The following CPLX2 variants were observed in gnomAD, a reference collection of about 807,000 sequenced individuals.
CPLX2 encodes complexin 2.
Under a neutral mutation model 16.3 loss-of-function variants are expected in CPLX2, and 5 were observed. That is an observed-to-expected ratio of 0.31 (90% CI 0.16 to 0.64). CPLX2 has a LOEUF of 0.64. Ranked by LOEUF, CPLX2 falls within the 30% of genes least tolerant of loss-of-function variation. CPLX2 has a pLI of 0.79. For missense variants in CPLX2, 144 were observed against 181.4 expected (o/e 0.79, Z 1.18); for synonymous variants, 89 against 73.2 (o/e 1.22, Z -1.10).
At chr5:175,858,910 GAGAA>G (rs1363222389) in intron 2 of CPLX2, among the ~76,000 whole-genome samples, 1 of 152,228 alleles carries the variant, frequency 6.6e-6, no homozygotes, top group African/African-American at 2.4e-5. Context: ...GGCAGAACCG[GAGAA>G]AGAAACAAGA....
At chr5:175,806,228 GC>G (rs1398442037) in intron 1 of CPLX2, among the ~76,000 whole-genome samples, 1 of 150,542 alleles carries the variant, frequency 6.6e-6, no homozygotes, top group African/African-American at 2.5e-5. Context: ...CTCCAGCCAA[GC>G]CACCTTCCTC....
At chr5:175,856,210 A>G (rs550245961) in intron 2 of CPLX2, among the ~76,000 whole-genome samples, 6 of 152,282 alleles carry the variant, frequency 3.9e-5, no homozygotes, top group African/African-American at 1.4e-4. Context: ...AATAGTACTT[A>G]CCTCATAAGG....
intron 2 of CPLX2, among the ~76,000 whole-genome samples, chr5:175,858,317 A>T (rs1759298939): frequency 6.6e-6 from 1 of 152,178 alleles, no homozygotes; most frequent in South Asian, 2.1e-4. Context: ...CCCTCTTCTG[A>T]GCACAAGCGA....
At chr5:175,878,057 G>T (rs1375577587) in intron 1 of CPLX2, 2 of 152,208 alleles carry the variant, frequency 1.3e-5, no homozygotes. Flanking sequence ...TAAAAATAAC[G>T]TATTTTCCAT....
chr5:175,838,156 C>T (rs566387190), intron 2 of CPLX2, among the ~76,000 whole-genome samples: 7 of 151,940 alleles, frequency 4.6e-5, no homozygotes, highest in East Asian at 3.9e-4. Context: ...ATTTTGCCAA[C>T]GTAAGGGAGC....
intron 1 of CPLX2, among the ~76,000 whole-genome samples, chr5:175,799,114 C>A (rs192011565): frequency 6.6e-6 from 1 of 152,312 alleles, no homozygotes; most frequent in East Asian, 1.9e-4. Flanking sequence ...ACAGGTTTTA[C>A]CATGCCAGAA....
At chr5:175,870,642 G>C (rs1759570254), upstream of CPLX2, among the ~76,000 whole-genome samples, 1 of 151,758 alleles carries the variant, frequency 6.6e-6, no homozygotes, top group African/African-American at 2.4e-5. Flanking sequence ...AAACAAAAAT[G>C]AGTGCAAGGG....
intron 2 of CPLX2, among the ~76,000 whole-genome samples, chr5:175,817,374 C>A (rs2382122): frequency 6.6e-6 from 1 of 152,096 alleles, no homozygotes; most frequent in Admixed American, 6.5e-5. Context: ...TGAACAACTG[C>A]GCATAGTCTC....
chr5:175,801,910 A>T (rs1758102986), intron 1 of CPLX2, among the ~76,000 whole-genome samples: 1 of 152,182 alleles, frequency 6.6e-6, no homozygotes, highest in African/African-American at 2.4e-5. Flanking sequence ...GGGGGTTCAG[A>T]GTAGAGAGGA....
intron 2 of CPLX2, among the ~76,000 whole-genome samples, chr5:175,813,912 A>G (rs2113636406): frequency 6.6e-6 from 1 of 152,252 alleles, no homozygotes; most frequent in South Asian, 2.1e-4. Flanking sequence ...ACGATGTTTT[A>G]TTTTCCATTT....
intron 2 of CPLX2, among the ~76,000 whole-genome samples, chr5:175,828,797 G>A (rs929781046): frequency 3.9e-5 from 6 of 152,144 alleles, no homozygotes; most frequent in African/African-American, 7.2e-5. Flanking sequence ...TTTCTGCCCC[G>A]TGCATATTTC....
intron 2 of CPLX2, among the ~76,000 whole-genome samples, chr5:175,815,607 A>AT (rs1758393022): frequency 6.6e-6 from 1 of 151,996 alleles, no homozygotes; most frequent in South Asian, 2.1e-4. Context: ...GAAAACAATT[A>AT]AATGTTGTGT....
chr5:175,875,105 G>A (rs1252899408), intron 1 of CPLX2, among the ~76,000 whole-genome samples: 2 of 152,228 alleles, frequency 1.3e-5, no homozygotes, highest in African/African-American at 2.4e-5. Flanking sequence ...GGCTCCTGCA[G>A]AGGCAGCAGA....
chr5:175,864,174 T>C (rs60541961), intron 2 of CPLX2, among the ~76,000 whole-genome samples: 4,587 of 108,716 alleles, frequency 0.042, 235 homozygotes, highest in African/African-American at 0.11. Context: ...AAGGTAGAGA[T>C]CACTCCCCCA....
chr5:175,799,494 A>G (rs992173433), intron 1 of CPLX2, among the ~76,000 whole-genome samples: 3 of 147,250 alleles, frequency 2.0e-5, no homozygotes, highest in African/African-American at 7.6e-5. Flanking sequence ...GAAGATGGCA[A>G]TGTATGACAG....
chr5:175,865,753 T>C lies in CPLX2; in HGVS notation c.-88-12899T>C, dbSNP rs548732195. 7.2e-5 allele frequency among the ~76,000 whole-genome samples: 11 copies of C among 152,302 alleles called. No homozygotes were observed. In the South Asian group the frequency reaches 2.1e-3, roughly 29 times the overall value. On this transcript the variant is annotated intron_variant, in intron 2 of 4. Transcript: ENST00000359546. ...CCCAGGGCAAGGGTTTTTCAACCAGTCGATGTGTCAGAAACACCTGCGGAG... is the reference window on the plus strand; with the variant it reads ...CCCAGGGCAAGGGTTTTTCAACCAGCCGATGTGTCAGAAACACCTGCGGAG...
chr5:175,868,537 T>C (rs1759520074), upstream of CPLX2, among the ~76,000 whole-genome samples: 1 of 152,168 alleles, frequency 6.6e-6, no homozygotes, highest in African/African-American at 2.4e-5. Flanking sequence ...ATCTATATTT[T>C]ACCAGGTGAC....
At chr5:175,821,229 G>A (rs1758502030) in intron 2 of CPLX2, among the ~76,000 whole-genome samples, 1 of 152,054 alleles carries the variant, frequency 6.6e-6, no homozygotes, top group South Asian at 2.1e-4. Context: ...CACAGGGCCA[G>A]CAGAGACCCT....
chr5:175,863,693 C>T (rs992187616), intron 2 of CPLX2, among the ~76,000 whole-genome samples: 1 of 151,722 alleles, frequency 6.6e-6, no homozygotes, highest in African/African-American at 2.4e-5. Context: ...GTTTTTTTGC[C>T]AGGAAGAAAC....
Sources: gnomAD v4.1 joint callset for allele counts (sites outside exome capture counted in the v4.1 genomes callset) on GRCh38, gnomAD v4.1.1 for gene constraint, MANE v1.5 for transcripts, NCBI Gene and HGNC (gene_info 2026-07-23, HGNC 2026-07-21) for gene names.